The following KNDC1 variants were observed in gnomAD, a reference collection of about 807,000 sequenced individuals.
KNDC1 encodes the protein kinase non-catalytic C-lobe domain containing 1.
KNDC1 carries 106 observed loss-of-function variants against 172.8 expected under a neutral mutation model. The observed-to-expected ratio is 0.61, with a 90% confidence interval of 0.52 to 0.72. KNDC1 has a LOEUF of 0.72. Ranked by LOEUF, KNDC1 falls within the 30% of genes least tolerant of loss-of-function variation. KNDC1 has a pLI of 0.00. For missense variants in KNDC1, 2,325 were observed against 2,394.5 expected, an observed-to-expected ratio of 0.97 and a Z score of 0.61; for synonymous variants, 1,083 against 1,062.2, an observed-to-expected ratio of 1.02 and a Z score of -0.38.
Position 133,211,506 on chromosome 10 carries a change from C to A in KNDC1, c.3993C>A (p.Tyr1331Ter). The A allele has an allele frequency of 6.2e-7, 1 of 1,614,000 alleles. No homozygotes were observed. The highest frequency in any genetic ancestry group is 8.5e-7 in the Non-Finnish European group (1 of 1,179,898). ...CVLQAWVEDC[Y>*]AVDFPRNSGL... ...TGCAGGCCTGGGTGGAGGACTGCTA[C>A]GCTGTGGACTTCCCTCGGAACAGCG... Residue 1331 changes from tyrosine (Y) to a stop codon, truncating the protein, a stop_gained, in exon 22 of 30, where the codon TAC (tyrosine) becomes TAA (stop). Coordinates refer to ENST00000304613, the MANE Select transcript of KNDC1 (RefSeq NM_152643.8). LOFTEE classifies it high-confidence loss of function.
Position 133,188,595 on chromosome 10 carries a change from G to C in KNDC1, c.1383G>C (p.Glu461Asp). ...SQLGRPFREY[E>D]LWALCLACLR... The stretch of plus-strand genomic sequence containing the variant: ...TGGGCCGGCCCTTCCGGGAGTACGA[G>C]CTGTGGGCCCTGTGCCTGGCCTGCC... The change falls in exon 7 of 30, where the codon GAG becomes GAC. Residue 461 changes from glutamate (E) to aspartate (D), a missense_variant. Glu to Asp is a conservative substitution (Grantham distance 45, BLOSUM62 2). Transcript: ENST00000304613. 1.3e-6 allele frequency: 2 copies of C among 1,596,920 alleles called. No homozygotes were observed. Among genetic ancestry groups the C allele is most frequent in the Non-Finnish European group, 1.7e-6 (2 of 1,173,290 alleles).
chr10:133,221,084 C>T (rs1230342107), intron 29 of KNDC1, among the ~76,000 whole-genome samples: 1 of 152,092 alleles, frequency 6.6e-6, no homozygotes, highest in Non-Finnish European at 1.5e-5. Flanking sequence ...TCTAGGGACC[C>T]CTGTGTTGGG....
Position 133,183,360 on chromosome 10 carries a change from TG to T in KNDC1, c.382del (p.Ala128ProfsTer3). ...GNTFEAHIYS[L>X]GATLKAALEY... is the part of the protein sequence containing the mutation. ...TGCCCACAGGCGCACATCTACTCTC[TG>T]GGGGCCACGCTGAAGGCCGCCCTCG... is the stretch of plus-strand genomic sequence containing the variant. On this transcript the variant is annotated frameshift_variant, in exon 4 of 30. Coordinates refer to ENST00000304613, the MANE Select transcript of KNDC1 (RefSeq NM_152643.8). LOFTEE classifies it high-confidence loss of function. 1.9e-6 allele frequency: 3 copies of T among 1,596,932 alleles called. No individual in the cohort carries two copies. Among genetic ancestry groups the T allele is most frequent in the Non-Finnish European group, 2.6e-6 (3 of 1,173,414 alleles).
chr10:133,197,970 C>T (rs954666838), intron 12 of KNDC1, among the ~76,000 whole-genome samples: 2 of 152,168 alleles, frequency 1.3e-5, no homozygotes, highest in Non-Finnish European at 2.9e-5. Context: ...GTCGCTCAGG[C>T]CCCAGCTCCA....
At chr10:133,194,342 T>C (rs908820592) in intron 9 of KNDC1, among the ~76,000 whole-genome samples, 2 of 152,088 alleles carry the variant, frequency 1.3e-5, no homozygotes, top group African/African-American at 4.8e-5. Flanking sequence ...TTTAAAAACA[T>C]ATAGAACTGA....
rs2136013569 is a variant in KNDC1 at position 133,207,236 on chromosome 10, G to A, written c.3679G>A (p.Asp1227Asn). The A allele has an allele frequency of 1.2e-6, 2 of 1,612,916 alleles. No homozygotes were observed. Among genetic ancestry groups the A allele is most frequent in the Non-Finnish European group, 1.7e-6 (2 of 1,179,972 alleles). Reference protein sequence around the residue: ...PCDTLDFSPLDESSSLIFYNV... With the variant: ...PCDTLDFSPLNESSSLIFYNV... ...CGACACGCTGGACTTCAGCCCCCTG[G>A]ACGAGTCCTCCTCGCTCATCTTCTA... Residue 1227 changes from aspartate (D) to asparagine (N), a missense_variant, in exon 20 of 30, where the codon GAC becomes AAC. By Grantham distance (23) the Asp-to-Asn change is conservative. Coordinates refer to ENST00000304613, the MANE Select transcript of KNDC1 (RefSeq NM_152643.8).
At position 133,211,808 on chromosome 10, in the gene KNDC1, C is replaced by G. The variant is rs781666988; in HGVS notation, c.4186C>G (p.Pro1396Ala). ...CAGGGAGGCCGAGGAGGATGCCAGA[C>G]CCTTCAACGCCCTCTGTAAGAGGCT... The part of the protein sequence containing the change: ...NPREAEEDAR[P>A]FNALCKRLSE... The change falls in exon 23 of 30, where the codon CCC becomes GCC. Residue 1396 changes from proline (P) to alanine (A), a missense_variant. Physicochemically the swap from Pro to Ala is conservative, Grantham distance 27. Coordinates refer to ENST00000304613, the MANE Select transcript of KNDC1 (RefSeq NM_152643.8). The G allele has an allele frequency of 6.2e-7, 1 of 1,609,428 alleles. No homozygotes were observed. The highest frequency in any genetic ancestry group is 1.3e-5 in the African/African-American group (1 of 74,680).
rs1360827027 is a variant in KNDC1, at chr10:133,175,541, TGGA to T, written c.360+7233_360+7235del. On this transcript the variant is annotated intron_variant, in intron 3 of 29. Coordinates refer to ENST00000304613, the MANE Select transcript of KNDC1 (RefSeq NM_152643.8). Reference sequence around the variant, plus strand: ...ATGGATGGGTGGGTGGATGGTTGGGTGGAGGATAGATGAGTAGATGCATGGGTG... The same window carrying T: ...ATGGATGGGTGGGTGGATGGTTGGGTGGATAGATGAGTAGATGCATGGGTG... Among the ~76,000 whole-genome samples the T allele has an allele frequency of 2.0e-5, 3 of 148,716 alleles. No individual in the cohort carries two copies. In the East Asian group the frequency reaches 6.2e-4, roughly 31 times the overall value.
chr10:133,195,415 C>G (rs190071176), intron 9 of KNDC1, among the ~76,000 whole-genome samples: 1 of 152,188 alleles, frequency 6.6e-6, no homozygotes, highest in African/African-American at 2.4e-5. Flanking sequence ...GGCTTCCAAC[C>G]CTCTGGTGTT....
intron 11 of KNDC1, among the ~76,000 whole-genome samples, 168 bp downstream of exon 11, chr10:133,197,303 C>T (rs1854220798): frequency 6.6e-6 from 1 of 150,886 alleles, no homozygotes; most frequent in South Asian, 2.1e-4. Flanking sequence ...ACTCGAGTCC[C>T]ATCTAAAGGC....
intron 26 of KNDC1, among the ~76,000 whole-genome samples, chr10:133,218,277 G>A (rs1845508304): frequency 1.3e-5 from 2 of 152,220 alleles, no homozygotes; most frequent in Admixed American, 6.5e-5. Context: ...AATCCTGCTG[G>A]GTGAGGCATT....
chr10:133,172,100 T>G (rs534265284), intron 3 of KNDC1, among the ~76,000 whole-genome samples: 8 of 152,212 alleles, frequency 5.3e-5, no homozygotes, highest in Non-Finnish European at 8.8e-5. Flanking sequence ...TCTTACTTGA[T>G]GCAGCAGGGA....
At chr10:133,177,657 C>T (rs1359594335) in intron 3 of KNDC1, among the ~76,000 whole-genome samples, 3 of 151,784 alleles carry the variant, frequency 2.0e-5, no homozygotes, top group Admixed American at 2.0e-4. Context: ...ATGATGTGTA[C>T]ATGCATGTGG....
chr10:133,221,328 CTG>C (rs1845584116), intron 29 of KNDC1, among the ~76,000 whole-genome samples: 1 of 152,162 alleles, frequency 6.6e-6, no homozygotes, highest in African/African-American at 2.4e-5. Flanking sequence ...GAGGCGCAGA[CTG>C]GGGCTGGCTG....
intron 14 of KNDC1, 27 bp from the exon 15 acceptor site, chr10:133,199,431 C>A (rs1319604454): frequency 1.2e-6 from 2 of 1,610,318 alleles, no homozygotes; most frequent in South Asian, 2.2e-5. Flanking sequence ...CACCATCTCA[C>A]TTGTCTCCAT....
intron 24 of KNDC1, among the ~76,000 whole-genome samples, chr10:133,213,221 A>G (rs943905165): frequency 1.3e-5 from 2 of 152,176 alleles, no homozygotes; most frequent in African/African-American, 4.8e-5. Flanking sequence ...TGAGGGCCGC[A>G]TGGGGCGCTG....
At position 133,195,806 on chromosome 10, in the gene KNDC1, G is replaced by T. The variant is rs1188047118; in HGVS notation, c.1719G>T (p.Ala573=). Residue 573 remains alanine, a synonymous_variant, in exon 10 of 30, where the codon GCG becomes GCT. Coordinates refer to ENST00000304613, the MANE Select transcript of KNDC1 (RefSeq NM_152643.8). ...ARRSAPERPS[A]AEAIKVCGSY... is the part of the protein sequence containing the mutation. ...GCAGTGCCCCGGAGCGGCCGTCCGCGGCTGAGGCCATCAAGGTAACCACAC... is the reference window on the plus strand; with the variant it reads ...GCAGTGCCCCGGAGCGGCCGTCCGCTGCTGAGGCCATCAAGGTAACCACAC... 2.5e-6 allele frequency: 4 copies of T among 1,569,458 alleles called. No homozygotes were observed. In the East Asian group the frequency reaches 9.5e-5, roughly 37 times the overall value.
chr10:133,179,947 TGGCCCACAG>T lies in KNDC1; in HGVS notation c.361-3395_361-3387del, dbSNP rs575510355. ...TCCCAGGACAGCGTCCCAGGTTTTC[TGGCCCACAG>T]GCTTGGAGAGTGGGCCCCACCCTCC... On this transcript the variant is annotated intron_variant, in intron 3 of 29. Coordinates refer to ENST00000304613, the MANE Select transcript of KNDC1 (RefSeq NM_152643.8). 4.6e-5 allele frequency among the ~76,000 whole-genome samples: 7 copies of T among 152,378 alleles called. No homozygotes were observed. The South Asian group carries it at 1.4e-3, about 32-fold the overall frequency.
intron 21 of KNDC1, among the ~76,000 whole-genome samples, chr10:133,211,098 G>A (rs187496293): frequency 1.0e-3 from 152 of 152,168 alleles, no homozygotes; most frequent in Non-Finnish European, 1.9e-3. Flanking sequence ...AGCCTCCCTC[G>A]GTACCCATGG....
Sources: gnomAD v4.1 joint callset for allele counts (sites outside exome capture counted in the v4.1 genomes callset) on GRCh38, gnomAD v4.1.1 for gene constraint, MANE v1.5 for transcripts, NCBI Gene and HGNC (gene_info 2026-07-23, HGNC 2026-07-21) for gene names.